The following CNOT3 variants were observed in gnomAD, a reference collection of about 807,000 sequenced individuals.
CNOT3 encodes the protein CCR4-NOT transcription complex subunit 3, also known as CCR4-associated factor 3.
In CNOT3, 2 loss-of-function variants were observed where a neutral mutation model predicts 89.4. The ratio of observed to expected loss-of-function variants is 0.02; its 90% CI spans 0.01 to 0.07. The LOEUF (loss-of-function observed/expected upper bound fraction) is 0.07. Among genes scored for constraint, CNOT3 ranks in the 10% least tolerant of loss-of-function variants. CNOT3 has a pLI of 1.00. For missense variants in CNOT3, 664 were observed against 1,010.2 expected, an observed-to-expected ratio of 0.66 and a Z score of 4.65; for synonymous variants, 486 against 402.0, an observed-to-expected ratio of 1.21 and a Z score of -2.50.
chr19:54,151,205 A>G (rs1385858516), intron 13 of CNOT3, among the ~76,000 whole-genome samples: 1 of 152,202 alleles, frequency 6.6e-6, no homozygotes, highest in Non-Finnish European at 1.5e-5. Context: ...CACCACCAAC[A>G]ACAAAAATGA....
chr19:54,143,402 C>A, intron 3 of CNOT3, 40 bp from the exon 4 acceptor site: 1 of 1,586,610 alleles, frequency 6.3e-7, no homozygotes, highest in East Asian at 2.2e-5. Context: ...ACTGGGACAT[C>A]CCCTCCCACA....
chr19:54,148,059 C>A lies in CNOT3; in HGVS notation c.895-89C>A. On this transcript the variant is annotated intron_variant, in intron 10 of 17. Coordinates refer to ENST00000221232, the MANE Select transcript of CNOT3 (RefSeq NM_014516.4). This position sits in a 1 kb window ranked among gnomAD's most constrained non-coding sequence, Gnocchi z 6.3. Reference sequence around the variant, plus strand: ...GGCAGCGAGGCCAGAGAGGAGGCTGCTGGGACAAAGATGGAGCCTGAGGTG... The same window carrying A: ...GGCAGCGAGGCCAGAGAGGAGGCTGATGGGACAAAGATGGAGCCTGAGGTG... The A allele has an allele frequency of 1.8e-6, 2 of 1,088,066 alleles. No individual in the cohort carries two copies. Among genetic ancestry groups the A allele is most frequent in the Non-Finnish European group, 2.5e-6 (2 of 803,802 alleles). 67.4% of individuals were successfully genotyped at this position (1,088,066 alleles called of 1,614,324 possible).
At chr19:54,143,901 A>G (rs2074554451) in intron 5 of CNOT3, 105 bp from the exon 6 acceptor site, 1 of 1,520,860 alleles carries the variant, frequency 6.6e-7, no homozygotes, top group African/African-American at 1.4e-5. Flanking sequence ...GCGGACTCAG[A>G]GCTCAGAAAG....
chr19:54,144,611 T>C lies in CNOT3; in HGVS notation c.483+279T>C, dbSNP rs1439106370. 6.6e-6 allele frequency among the ~76,000 whole-genome samples: 1 copy of C among 151,670 alleles called. No individual in the cohort carries two copies. Among genetic ancestry groups the C allele is most frequent in the Non-Finnish European group, 1.5e-5 (1 of 67,940 alleles). ...GAGGAGCGACTTGGGGGAAGGTGAG[T>C]GCAGGTTGAGCTTGGGCCACAGAGT... On this transcript the variant is annotated intron_variant, in intron 7 of 17. Transcript: ENST00000221232. The surrounding 1 kb of genome is among the most constrained non-coding windows in gnomAD (Gnocchi z 4.8).
rs587692629 is a variant in CNOT3 at position 54,148,528 on chromosome 19, C to T, written c.1275C>T (p.Gly425=). Residue 425 remains glycine, a synonymous_variant, in exon 11 of 18, where the codon GGC becomes GGT. Transcript: ENST00000221232. The surrounding 1 kb of genome is among the most constrained non-coding windows in gnomAD (Gnocchi z 6.3). The part of the protein sequence containing the change: ...SAGGGAGKQN[G]ATSYSSVVAD... ...GTGGAGGGGCTGGCAAGCAGAATGG[C>T]GCCACCAGTGAGTGAGGAGGCAGCG... 201 of 1,560,176 alleles carry T rather than the reference C, an allele frequency of 1.3e-4. No individual in the cohort carries two copies. The highest frequency in any genetic ancestry group is 1.7e-4 in the Admixed American group (9 of 54,500).
rs745972879 is a variant in CNOT3 at position 54,152,955 on chromosome 19, C to T, written c.1993C>T (p.Arg665Cys). 1.2e-6 allele frequency: 2 copies of T among 1,609,434 alleles called. No individual in the cohort carries two copies. Among genetic ancestry groups the T allele is most frequent in the African/African-American group, 1.3e-5 (1 of 74,834 alleles). The change falls in exon 16 of 18, where the codon CGC becomes TGC. Residue 665 changes from arginine to cysteine, a missense_variant. Physicochemically the swap from Arg to Cys is radical, Grantham distance 180. Around this residue, in one of 8 missense-constraint regions of CNOT3, gnomAD observed 15 missense variants for 32.7 expected, o/e 0.46. Coordinates refer to ENST00000221232, the MANE Select transcript of CNOT3 (RefSeq NM_014516.4). ...PHSDTVEFYQ[R>C]LSTETLFFIF... ...CTCGGACACTGTGGAATTCTACCAGCGCCTGTCGACCGAGACACTCTTCTT... is the reference window on the plus strand; with the variant it reads ...CTCGGACACTGTGGAATTCTACCAGTGCCTGTCGACCGAGACACTCTTCTT...
Position 54,155,291 on chromosome 19 carries a change from G to T in CNOT3, c.2164-18G>T. On this transcript the variant is annotated intron_variant, in intron 17 of 17. Transcript: ENST00000221232. ...CCACCTCCTCGTCCACTCACTGACC[G>T]CCTTCTCCCCCGGCCAGGGCACCTA... The T allele has an allele frequency of 6.2e-7, 1 of 1,612,154 alleles. No individual in the cohort carries two copies. The highest frequency in any genetic ancestry group is 8.5e-7 in the Non-Finnish European group (1 of 1,179,366).
rs775735242 is a variant in CNOT3 at position 54,148,637 on chromosome 19, G to A, written c.1300G>A (p.Ala434Thr). ...NGATSYSSVV[A>T]DSPAEVALSS... ...GTTCCCAGGTTACAGCTCAGTTGTG[G>A]CAGACAGCCCGGCAGAGGTGGCTTT... The change falls in exon 12 of 18, where the codon GCA (alanine) becomes ACA (threonine). Residue 434 changes from alanine (A) to threonine (T), a missense_variant. Ala to Thr is a moderately conservative substitution (Grantham distance 58). Coordinates refer to ENST00000221232, the MANE Select transcript of CNOT3 (RefSeq NM_014516.4). The surrounding 1 kb of genome is among the most constrained non-coding windows in gnomAD (Gnocchi z 6.3). The A allele has an allele frequency of 6.2e-6, 10 of 1,610,542 alleles. No individual in the cohort carries two copies. Among genetic ancestry groups the A allele is most frequent in the African/African-American group, 1.3e-5 (1 of 74,868 alleles).
chr19:54,148,931 C>T lies in CNOT3; in HGVS notation c.1406+188C>T, dbSNP rs2074872618. On this transcript the variant is annotated intron_variant, in intron 12 of 17. Transcript: ENST00000221232. This position sits in a 1 kb window ranked among gnomAD's most constrained non-coding sequence, Gnocchi z 6.3. ...TTTCCAGCAAGGAAACTACATCAGC[C>T]TCCCTGCTTTGCCCTTCAGAACATT... 6.6e-6 allele frequency among the ~76,000 whole-genome samples: 1 copy of T among 152,230 alleles called. No individual in the cohort carries two copies. The highest frequency in any genetic ancestry group is 2.1e-4 in the South Asian group (1 of 4,836).
chr19:54,152,296 C>G lies in CNOT3; in HGVS notation c.1676C>G (p.Pro559Arg), dbSNP rs1257657986. The change falls in exon 14 of 18, where the codon CCT becomes CGT. Residue 559 changes from proline to arginine, a missense_variant. By Grantham distance (103) the Pro-to-Arg change is moderately radical (BLOSUM62 -2). Around this residue, in one of 8 missense-constraint regions of CNOT3, gnomAD observed 545 missense variants for 566.2 expected, o/e 0.96. Transcript: ENST00000221232. ...GCCATCAGCTCTGGCATTGAGGACC[C>G]TGTGCCAACGCTGCACCTGACCGAG... ...RAAISSGIED[P>R]VPTLHLTERD... 2.5e-6 allele frequency: 4 copies of G among 1,614,080 alleles called. No individual in the cohort carries two copies. The highest frequency in any genetic ancestry group is 3.4e-6 in the Non-Finnish European group (4 of 1,180,028).
Position 54,145,717 on chromosome 19 carries a change from C to T in CNOT3, c.603C>T (p.Arg201=). The T allele has an allele frequency of 6.2e-7, 1 of 1,613,020 alleles. No homozygotes were observed. Among genetic ancestry groups the T allele is most frequent in the Non-Finnish European group, 8.5e-7 (1 of 1,178,962 alleles). Residue 201 remains arginine (R), a synonymous_variant, in exon 8 of 18, where the codon CGC becomes CGT. Coordinates refer to ENST00000221232, the MANE Select transcript of CNOT3 (RefSeq NM_014516.4). The surrounding 1 kb of genome is among the most constrained non-coding windows in gnomAD (Gnocchi z 5.9). ...ACTCCATCCTCGTTGACGCCATCCGCAAGATCAAGGACGACGTTGAGTACT... is the reference window on the plus strand; with the variant it reads ...ACTCCATCCTCGTTGACGCCATCCGTAAGATCAAGGACGACGTTGAGTACT... ...DNDSILVDAI[R]KIKDDVEYYV... is the part of the protein sequence containing the mutation.
In CNOT3 at chr19:54,148,194, C is replaced by T. The variant is rs752679696; in HGVS notation, c.941C>T (p.Pro314Leu). Reference sequence around the variant, plus strand: ...AAGCCTGTCCACAGCAACCAGCACCCTCAGTCCCCAGCTGTGCCGCCCACC... The same window carrying T: ...AAGCCTGTCCACAGCAACCAGCACCTTCAGTCCCCAGCTGTGCCGCCCACC... Reference protein sequence around the residue: ...GSKPVHSNQHPQSPAVPPTYP... With the variant: ...GSKPVHSNQHLQSPAVPPTYP... The change falls in exon 11 of 18, where the codon CCT (proline) becomes CTT (leucine). Residue 314 changes from proline to leucine, a missense_variant. By Grantham distance (98) the Pro-to-Leu change is moderately conservative. Coordinates refer to ENST00000221232, the MANE Select transcript of CNOT3 (RefSeq NM_014516.4). The surrounding 1 kb of genome is among the most constrained non-coding windows in gnomAD (Gnocchi z 6.3). 3 of 1,574,030 alleles carry T rather than the reference C, an allele frequency of 1.9e-6. No individual in the cohort carries two copies. Among genetic ancestry groups the T allele is most frequent in the Admixed American group, 3.7e-5 (2 of 53,920 alleles).
At chr19:54,150,571 C>T (rs587713901) in intron 13 of CNOT3, among the ~76,000 whole-genome samples, 2 of 108,850 alleles carry the variant, frequency 1.8e-5, no homozygotes, top group Admixed American at 1.8e-4. Context: ...AGTGTGTATG[C>T]CCAGGCTGTC....
Position 54,148,484 on chromosome 19 carries a change from A to G in CNOT3, c.1231A>G (p.Ser411Gly). 1 of 1,560,774 alleles carries G rather than the reference A, an allele frequency of 6.4e-7. No individual in the cohort carries two copies. Among genetic ancestry groups the G allele is most frequent in the Non-Finnish European group, 8.7e-7 (1 of 1,150,734 alleles). ...CAGCGGAGGCGGAGGGAGCAGCAGC[A>G]GTAGTAACAGCAGTGCCGGTGGAGG... ...GGSGGGGSSS[S>G]SNSSAGGGAG... is the part of the protein sequence containing the mutation. The change falls in exon 11 of 18, where the codon AGT (serine) becomes GGT (glycine). Residue 411 changes from serine (S) to glycine (G), a missense_variant. Coordinates refer to ENST00000221232, the MANE Select transcript of CNOT3 (RefSeq NM_014516.4). The surrounding 1 kb of genome is among the most constrained non-coding windows in gnomAD (Gnocchi z 6.3).
At chr19:54,146,486 T>C in intron 9 of CNOT3, 115 bp from the exon 10 acceptor site, 1 of 743,416 alleles carries the variant, frequency 1.3e-6, no homozygotes, top group Admixed American at 1.8e-5. Context: ...TGACCAGCTC[T>C]GGGGCCGCAA....
chr19:54,145,637 A>C lies in CNOT3; in HGVS notation c.523A>C (p.Lys175Gln). The C allele has an allele frequency of 6.2e-7, 1 of 1,613,914 alleles. No individual in the cohort carries two copies. Among genetic ancestry groups the C allele is most frequent in the Non-Finnish European group, 8.5e-7 (1 of 1,179,898 alleles). ...TGAGGGCTTGAAGCGGCACATCGAG[A>C]AGCACCGCTACCACGTGCGCATGCT... Reference protein sequence around the residue: ...RIEGLKRHIEKHRYHVRMLET... With the variant: ...RIEGLKRHIEQHRYHVRMLET... The change falls in exon 8 of 18, where the codon AAG (lysine) becomes CAG (glutamine). Residue 175 changes from lysine (K) to glutamine (Q), a missense_variant. Physicochemically the swap from Lys to Gln is moderately conservative, Grantham distance 53. Around this residue, in one of 8 missense-constraint regions of CNOT3, gnomAD observed 37 missense variants for 79.5 expected, o/e 0.47. Transcript: ENST00000221232. The surrounding 1 kb of genome is among the most constrained non-coding windows in gnomAD (Gnocchi z 5.9).
chr19:54,147,301 G>A (rs748470133), intron 10 of CNOT3, among the ~76,000 whole-genome samples: 3 of 152,218 alleles, frequency 2.0e-5, no homozygotes, highest in South Asian at 2.1e-4. Flanking sequence ...GTGGGCTAAC[G>A]GGATGGATGG....
Position 54,155,484 on chromosome 19 carries a change from G to A in CNOT3, c.*77G>A, listed in dbSNP as rs1409157778. On this transcript the variant is annotated 3_prime_UTR_variant, in exon 18 of 18. Transcript: ENST00000221232. ...CCCAGGTGAGGGCCCTGCCCTGGAA[G>A]ACTGGAGGGAGGCCCCAAGCCACGG... 9.3e-7 allele frequency: 1 copy of A among 1,071,004 alleles called. No homozygotes were observed. Among genetic ancestry groups the A allele is most frequent in the Non-Finnish European group, 1.4e-6 (1 of 740,734 alleles). 66.3% of individuals were successfully genotyped at this position (1,071,004 alleles called of 1,614,324 possible).
rs199743856 is a variant in CNOT3, at chr19:54,155,326, T to C, written c.2181T>C (p.Phe727=). The C allele has an allele frequency of 1.2e-4, 188 of 1,613,292 alleles. No individual in the cohort carries two copies. In the East Asian group the frequency reaches 2.7e-3, roughly 23 times the overall value. Residue 727 remains phenylalanine, a synonymous_variant, in exon 18 of 18, where the codon TTT becomes TTC. Coordinates refer to ENST00000221232, the MANE Select transcript of CNOT3 (RefSeq NM_014516.4). ...DEFEQGTYIY[F]DYEKWGQRKK... is the part of the protein sequence containing the mutation. ...CCGGCCAGGGCACCTACATCTACTT[T>C]GACTACGAGAAGTGGGGCCAGCGGA...
Sources: allele counts gnomAD v4.1 joint callset (sites outside exome capture counted in the v4.1 genomes callset), GRCh38; gene constraint gnomAD v4.1.1; regional missense constraint gnomAD v4.1.1; non-coding constraint Gnocchi (gnomAD v3.1); transcripts MANE v1.5; gene names NCBI Gene and HGNC (gene_info 2026-07-23, HGNC 2026-07-21).